The following NCOA1 variants were observed in gnomAD, a reference collection of about 807,000 sequenced individuals.
NCOA1 encodes Hin-2 protein.
A neutral mutation model predicts 150.9 loss-of-function variants in NCOA1; 35 were observed. That is an observed-to-expected ratio of 0.23 (90% CI 0.18 to 0.31). The LOEUF is 0.31. NCOA1 is among the 10% of genes least tolerant of loss of function. The probability of loss-of-function intolerance (pLI) is 1.00; values close to 1 mark genes in which losing one functional copy is unlikely to be tolerated. For missense variants in NCOA1, 1,491 were observed against 1,749.3 expected, an observed-to-expected ratio of 0.85 and a Z score of 2.63; for synonymous variants, 590 against 630.0, an observed-to-expected ratio of 0.94 and a Z score of 0.95.
At chr2:24,710,881 C>A (rs1374823732) in intron 13 of NCOA1, 50 bp from the exon 14 acceptor site, 1 of 1,555,906 alleles carries the variant, frequency 6.4e-7, no homozygotes, top group Non-Finnish European at 8.8e-7. Context: ...TACGTTGTTT[C>A]AGGTGAAAGT....
rs184453977 is a variant in NCOA1 at position 24,595,787 on chromosome 2, C to A, written c.-175+11227C>A. 5.3e-5 allele frequency among the ~76,000 whole-genome samples: 8 copies of A among 152,166 alleles called. No individual in the cohort carries two copies. The East Asian group carries it at 1.5e-3, about 29-fold the overall frequency. On this transcript the variant is annotated intron_variant, in intron 3 of 22. Transcript: ENST00000348332. Reference sequence around the variant, plus strand: ...GTTATGGAGCTCTCAACTAGGCAAGCAGGTATTAGTATTTGAATACAAAGC... The same window carrying A: ...GTTATGGAGCTCTCAACTAGGCAAGAAGGTATTAGTATTTGAATACAAAGC...
At chr2:24,599,751 G>A (rs1397823907) in intron 3 of NCOA1, among the ~76,000 whole-genome samples, 4 of 130,032 alleles carry the variant, frequency 3.1e-5, no homozygotes, top group Admixed American at 8.7e-5. Flanking sequence ...TTTTGAGACC[G>A]AGTCTCACTC....
intron 5 of NCOA1, chr2:24,659,208 T>C (rs1317114202): frequency 1.2e-5 from 2 of 170,208 alleles, no homozygotes; most frequent in Non-Finnish European, 2.6e-5. Context: ...CTCATCATTG[T>C]ATCCTTAGTT....
Position 24,766,292 on chromosome 2 carries a change from G to A in NCOA1, c.4156-1929G>A, listed in dbSNP as rs528417565. Among the ~76,000 whole-genome samples, 5 of 152,088 alleles carry A rather than the reference G, an allele frequency of 3.3e-5. No individual in the cohort carries two copies. The South Asian group carries it at 8.3e-4, about 25-fold the overall frequency. On this transcript the variant is annotated intron_variant, in intron 22 of 22. Transcript: ENST00000348332. ...TATCAAGAACTTTTTAAGAATTTAG[G>A]GACAAAAACATCTTATGCTCTGCCC...
chr2:24,765,922 G>A (rs1467760972), intron 22 of NCOA1, among the ~76,000 whole-genome samples: 1 of 130,596 alleles, frequency 7.7e-6, no homozygotes, highest in Non-Finnish European at 1.6e-5. Context: ...TTTTGAGACG[G>A]AGTCTTGCTT....
chr2:24,576,145 C>CTTTTTT (rs1666945159), intron 2 of NCOA1, among the ~76,000 whole-genome samples: 2 of 101,028 alleles, frequency 2.0e-5, no homozygotes, highest in Non-Finnish European at 3.8e-5. Context: ...ATTATTTGGC[C>CTTTTTT]TTTGTTTTTT....
rs1043226139 is a variant in NCOA1 at position 24,707,110 on chromosome 2, G to T, written c.1640G>T (p.Gly547Val). The T allele has an allele frequency of 7.6e-5, 122 of 1,613,998 alleles. No individual in the cohort carries two copies. The highest frequency in any genetic ancestry group is 1.0e-4 in the Non-Finnish European group (119 of 1,180,030). ...ACATCTTTACAGGGTATGAATGAAG[G>T]ACCCAATAACTCCGTTGGCTTCTCT... The part of the protein sequence containing the change: ...PVTSLQGMNE[G>V]PNNSVGFSAS... Residue 547 changes from glycine (G) to valine (V), a missense_variant, in exon 13 of 23, where the codon GGA (glycine) becomes GTA (valine). Physicochemically the swap from Gly to Val is moderately radical, Grantham distance 109. Around this residue, in one of 8 missense-constraint regions of NCOA1, gnomAD observed 703 missense variants for 717.7 expected, o/e 0.98. Coordinates refer to ENST00000348332, the MANE Select transcript of NCOA1 (RefSeq NM_003743.5).
intron 1 of NCOA1, among the ~76,000 whole-genome samples, chr2:24,546,140 A>T (rs1558782684): frequency 6.6e-6 from 1 of 152,098 alleles, no homozygotes; most frequent in Non-Finnish European, 1.5e-5. Flanking sequence ...GTCTATCAAA[A>T]GTTCACTGAA....
chr2:24,605,774 T>G (rs1205735135), intron 3 of NCOA1, among the ~76,000 whole-genome samples: 2 of 152,190 alleles, frequency 1.3e-5, no homozygotes, highest in Non-Finnish European at 2.9e-5. Flanking sequence ...TGAATTCTAG[T>G]CAGTAGAATG....
intron 1 of NCOA1, among the ~76,000 whole-genome samples, chr2:24,525,844 G>A (rs1199348876): frequency 6.6e-6 from 1 of 152,052 alleles, no homozygotes; most frequent in East Asian, 1.9e-4. Context: ...CCCCGAGCCC[G>A]ACCTTATGTT....
chr2:24,736,435 A>G (rs1476844219), intron 17 of NCOA1, among the ~76,000 whole-genome samples: 1 of 152,166 alleles, frequency 6.6e-6, no homozygotes, highest in African/African-American at 2.4e-5. Context: ...CCAGATACGT[A>G]TGTGTTAGGG....
At chr2:24,666,535 C>T (rs1360357075) in intron 6 of NCOA1, among the ~76,000 whole-genome samples, 2 of 151,954 alleles carry the variant, frequency 1.3e-5, no homozygotes, top group African/African-American at 2.4e-5. Flanking sequence ...GGACCTGAGG[C>T]CCTAGCATAG....
intron 3 of NCOA1, among the ~76,000 whole-genome samples, chr2:24,621,286 C>A (rs1171841335): frequency 6.6e-6 from 1 of 151,890 alleles, no homozygotes; most frequent in Non-Finnish European, 1.5e-5. Flanking sequence ...CTTCCTTTGT[C>A]CCCTTATTAT....
chr2:24,510,251 A>G (rs1180894654), intron 1 of NCOA1, among the ~76,000 whole-genome samples: 2 of 152,188 alleles, frequency 1.3e-5, no homozygotes, highest in Non-Finnish European at 2.9e-5. Flanking sequence ...GGGTTTCACC[A>G]TGTTGGCCAG....
At chr2:24,702,229 T>A (rs896371733) in intron 11 of NCOA1, among the ~76,000 whole-genome samples, 2 of 152,354 alleles carry the variant, frequency 1.3e-5, no homozygotes, top group Admixed American at 6.5e-5. Flanking sequence ...TTTACTGTCC[T>A]CTTAGTGATT....
At chr2:24,766,114 G>A (rs1665052779) in intron 22 of NCOA1, among the ~76,000 whole-genome samples, 1 of 151,744 alleles carries the variant, frequency 6.6e-6, no homozygotes, top group Non-Finnish European at 1.5e-5. Context: ...TGCCCAGGCT[G>A]GTCTCAAACT....
intron 11 of NCOA1, among the ~76,000 whole-genome samples, chr2:24,700,300 A>G (rs555204213): frequency 8.5e-5 from 13 of 152,048 alleles, no homozygotes; most frequent in Non-Finnish European, 1.9e-4. Flanking sequence ...AGTGAAACAG[A>G]TTATGTACTA....
chr2:24,566,771 G>A (rs6723622), intron 2 of NCOA1, among the ~76,000 whole-genome samples: 3,233 of 152,346 alleles, frequency 0.021, 123 homozygotes, highest in African/African-American at 0.072. Context: ...ACCCGTGCTC[G>A]TTGGCACCCA....
intron 7 of NCOA1, 83 bp from the exon 8 acceptor site, chr2:24,682,868 C>A: frequency 8.0e-7 from 1 of 1,242,870 alleles, no homozygotes; most frequent in Non-Finnish European, 1.1e-6. Flanking sequence ...TATTTCTGAT[C>A]TCTTTTTTAA....
Sources: gnomAD v4.1 joint callset for allele counts (sites outside exome capture counted in the v4.1 genomes callset) on GRCh38, gnomAD v4.1.1 for gene constraint, gnomAD v4.1.1 regional missense constraint, MANE v1.5 for transcripts, NCBI Gene and HGNC (gene_info 2026-07-23, HGNC 2026-07-21) for gene names.